EDA: variants seen among roughly 807,000 people sequenced by gnomAD.
EDA encodes the protein ectodysplasin A.
EDA carries 2 observed loss-of-function variants against 23.6 expected under a neutral mutation model. That is an observed-to-expected ratio of 0.08 (90% CI 0.03 to 0.27). EDA has a LOEUF of 0.27. Among genes scored for constraint, EDA ranks in the 10% least tolerant of loss-of-function variants. EDA has a pLI of 1.00. For synonymous variants in EDA, 131 were observed against 132.0 expected, an observed-to-expected ratio of 0.99 and a Z score of 0.05; for missense variants, 229 against 324.2, an observed-to-expected ratio of 0.71 and a Z score of 2.26.
intron 2 of EDA, among the ~76,000 whole-genome samples, chrX:69,977,171 T>G (rs1331680253): frequency 8.9e-6 from 1 of 112,210 alleles, no homozygotes; most frequent in African/African-American, 3.2e-5. Context: ...CTATTCTGAT[T>G]AGAATCTCTT....
intron 1 of EDA, among the ~76,000 whole-genome samples, chrX:69,678,072 A>C (rs1426263787): frequency 9.0e-6 from 1 of 111,233 alleles, no homozygotes; most frequent in Non-Finnish European, 1.9e-5. Context: ...CATTTATTAA[A>C]TAGGGAATCC....
chrX:69,663,502 T>C (rs1044270511), intron 1 of EDA, among the ~76,000 whole-genome samples: 2 of 112,407 alleles, frequency 1.8e-5, no homozygotes, highest in East Asian at 5.6e-4. Flanking sequence ...AGAGGATGTA[T>C]GGAAATGCCT....
chrX:69,824,559 A>G (rs1201812147), intron 1 of EDA, among the ~76,000 whole-genome samples: 1 of 108,181 alleles, frequency 9.2e-6, no homozygotes, highest in Admixed American at 1.0e-4. Context: ...GTATCCTGAG[A>G]CTTTGCTGAA....
intron 1 of EDA, among the ~76,000 whole-genome samples, chrX:69,642,481 T>C (rs1228307728): frequency 9.0e-6 from 1 of 111,088 alleles, no homozygotes; most frequent in African/African-American, 3.3e-5. Flanking sequence ...AGCGTATTTA[T>C]ATGTTTTATT....
intron 1 of EDA, among the ~76,000 whole-genome samples, chrX:69,750,105 T>G (rs1173752383): frequency 2.8e-4 from 30 of 105,626 alleles, no homozygotes; most frequent in Admixed American, 1.3e-3. Flanking sequence ...GCCATGTTGG[T>G]GTGCTGCACC....
At chrX:69,642,716 A>T (rs189285177) in intron 1 of EDA, among the ~76,000 whole-genome samples, 2 of 111,741 alleles carry the variant, frequency 1.8e-5, no homozygotes, top group African/African-American at 6.5e-5. Flanking sequence ...ATTTAATTCA[A>T]GTTTTGAAAT....
intron 1 of EDA, among the ~76,000 whole-genome samples, chrX:69,711,284 C>T (rs954081332): frequency 9.0e-6 from 1 of 111,259 alleles, no homozygotes; most frequent in Non-Finnish European, 1.9e-5. Flanking sequence ...TGTTTATATG[C>T]TGGATTATGT....
At position 70,036,985 on chromosome X, in the gene EDA, C is replaced by T. The variant is rs1417919657; in HGVS notation, c.*1376C>T. On this transcript the variant is annotated 3_prime_UTR_variant, in exon 8 of 8. Transcript: ENST00000374552. The stretch of plus-strand genomic sequence containing the variant: ...TCTAGGCACTGAGCAGGGATCTGCC[C>T]CCTAGTTCAGGTCCAAATTCACCTT... 8.9e-6 allele frequency: 1 copy of T among 112,219 alleles called. No individual in the cohort carries two copies. The highest frequency in any genetic ancestry group is 9.4e-5 in the Admixed American group (1 of 10,614). 9.2% of individuals were successfully genotyped at this position (112,219 alleles called of 1,213,427 possible).
intron 1 of EDA, among the ~76,000 whole-genome samples, chrX:69,774,148 C>G (rs1172882971): frequency 8.9e-6 from 1 of 111,785 alleles, no homozygotes; most frequent in Admixed American, 9.5e-5. Flanking sequence ...GCTATTATTA[C>G]TGGATTTTGT....
intron 1 of EDA, among the ~76,000 whole-genome samples, chrX:69,839,809 G>A (rs946868931): frequency 8.9e-6 from 1 of 112,163 alleles, no homozygotes; most frequent in South Asian, 3.7e-4. Context: ...GGGCTGGGGA[G>A]CAACATGTGA....
chrX:69,700,164 G>A (rs1273468214), intron 1 of EDA, among the ~76,000 whole-genome samples: 2 of 110,697 alleles, frequency 1.8e-5, no homozygotes, highest in African/African-American at 6.6e-5. Flanking sequence ...TCTTTGAGAG[G>A]GGCTACACAG....
intron 1 of EDA, among the ~76,000 whole-genome samples, chrX:69,865,394 C>T (rs1602495141): frequency 9.0e-6 from 1 of 110,533 alleles, no homozygotes; most frequent in Non-Finnish European, 1.9e-5. Flanking sequence ...AAGAGCCAGT[C>T]CGAGTCCCAA....
intron 1 of EDA, among the ~76,000 whole-genome samples, chrX:69,624,475 A>G (rs1932300754): frequency 9.0e-6 from 1 of 111,519 alleles, no homozygotes; most frequent in Non-Finnish European, 1.9e-5. Flanking sequence ...GACATTATAT[A>G]TGAAAGATTA....
At chrX:69,714,981 T>C (rs1347561605) in intron 1 of EDA, among the ~76,000 whole-genome samples, 2 of 110,475 alleles carry the variant, frequency 1.8e-5, no homozygotes, top group African/African-American at 6.6e-5. Context: ...ATGGGGAAAA[T>C]TGACATCTTT....
chrX:69,790,462 T>A (rs1160851048), intron 1 of EDA, among the ~76,000 whole-genome samples: 2 of 111,478 alleles, frequency 1.8e-5, no homozygotes, highest in Non-Finnish European at 3.8e-5. Flanking sequence ...GGATAGCAAA[T>A]TAATCAGGAA....
intron 1 of EDA, among the ~76,000 whole-genome samples, chrX:69,778,181 A>T (rs2014840093): frequency 8.9e-6 from 1 of 111,980 alleles, no homozygotes; most frequent in Non-Finnish European, 1.9e-5. Context: ...AGTGTAATAT[A>T]AAAGTCAAAG....
At position 69,820,458 on chromosome X, in the gene EDA, A is replaced by G. The variant is rs867953649; in HGVS notation, c.397-136569A>G. The stretch of plus-strand genomic sequence containing the variant: ...AAACTACCAACAGAGTAAACAGATA[A>G]CCTACAGAATGGGAGAAAAGTTTTG... On this transcript the variant is annotated intron_variant, in intron 1 of 7. Transcript: ENST00000374552. Among the ~76,000 whole-genome samples the G allele has an allele frequency of 9.8e-5, 11 of 112,010 alleles. No individual in the cohort carries two copies. The Middle Eastern group carries it at 0.014, about 140-fold the overall frequency.
intron 1 of EDA, among the ~76,000 whole-genome samples, chrX:69,753,175 T>C (rs2013961307): frequency 8.9e-6 from 1 of 111,865 alleles, no homozygotes; most frequent in Non-Finnish European, 1.9e-5. Context: ...TGTTAGGGTG[T>C]CAATTTTAGA....
At chrX:69,800,130 T>A (rs911558703) in intron 1 of EDA, among the ~76,000 whole-genome samples, 2 of 111,764 alleles carry the variant, frequency 1.8e-5, no homozygotes, top group African/African-American at 6.5e-5. Flanking sequence ...AGACAAATAC[T>A]GCACATTCTC....
Sources: gnomAD v4.1 joint callset for allele counts (sites outside exome capture counted in the v4.1 genomes callset) on GRCh38, gnomAD v4.1.1 for gene constraint, MANE v1.5 for transcripts, NCBI Gene and HGNC (gene_info 2026-07-23, HGNC 2026-07-21) for gene names.